Variants in LIPH observed in about 807,000 individuals in gnomAD.
LIPH encodes lipase H.
Under a neutral mutation model 47.6 loss-of-function variants are expected in LIPH, and 32 were observed. The observed-to-expected ratio is 0.67, with a 90% confidence interval of 0.51 to 0.90. LIPH has a LOEUF of 0.90. Among genes scored for constraint, LIPH ranks in the 40% least tolerant of loss-of-function variants. LIPH has a pLI of 0.00. For synonymous variants in LIPH, 190 were observed against 195.6 expected (o/e 0.97, Z 0.24); for missense variants, 497 against 541.4 (o/e 0.92, Z 0.81).
At chr3:185,525,608 T>C (rs1446616742) in intron 4 of LIPH, among the ~76,000 whole-genome samples, 2 of 151,910 alleles carry the variant, frequency 1.3e-5, no homozygotes, top group Non-Finnish European at 2.9e-5. Context: ...TGAGACCTTG[T>C]CTCTATCAGT....
chr3:185,519,716 G>A (rs1435881704), intron 5 of LIPH, among the ~76,000 whole-genome samples: 1 of 151,568 alleles, frequency 6.6e-6, no homozygotes, highest in Non-Finnish European at 1.5e-5. Context: ...GGCACCTGTA[G>A]TCCCAACTAC....
chr3:185,526,909 G>A (rs1268409491), intron 4 of LIPH, among the ~76,000 whole-genome samples: 2 of 152,004 alleles, frequency 1.3e-5, no homozygotes, highest in Non-Finnish European at 2.9e-5. Flanking sequence ...TCTTCATGTT[G>A]AAAAAATTAG....
rs572344926 is a variant in LIPH at position 185,548,421 on chromosome 3, A to C, written c.49+4002T>G. ...TCTGTCTCACATAAAAGGAAAAAAA[A>C]AACAACAAAAAAAAACTCATCCTAG... On this transcript the variant is annotated intron_variant, in intron 1 of 9. Transcript: ENST00000296252. 8.1e-4 allele frequency among the ~76,000 whole-genome samples: 122 copies of C among 151,288 alleles called. 1 individual carries two copies. Among genetic ancestry groups the C allele is most frequent in the Non-Finnish European group, 1.3e-3 (85 of 67,846 alleles).
chr3:185,514,259 A>G lies in LIPH; in HGVS notation c.1094+151T>C, dbSNP rs73885738. ...TAAAGACCCTGGGAGATCAAGAACC[A>G]GGGAAGCAACTAAGCAATAGTTCCC... is the stretch of plus-strand genomic sequence containing the variant. On this transcript the variant is annotated intron_variant, in intron 8 of 9. Transcript: ENST00000296252. 2,595 of 636,730 alleles carry G rather than the reference A, an allele frequency of 4.1e-3. 44 individuals carry two copies. In the African/African-American group the frequency reaches 0.041, roughly 10 times the overall value. 39.4% of individuals were successfully genotyped at this position (636,730 alleles called of 1,614,324 possible).
rs1281342189 is a variant in LIPH, at chr3:185,529,905, G to GA, written c.527-2321dup. ...CAAGAGAGAGAGAGAAAGAGAGAAAGAAAAGAAAGAAAGAAAGAAAGAAAG... is the reference window on the plus strand; with the variant it reads ...CAAGAGAGAGAGAGAAAGAGAGAAAGAAAAAGAAAGAAAGAAAGAAAGAAAG... On this transcript the variant is annotated intron_variant, in intron 3 of 9. Coordinates refer to ENST00000296252, the MANE Select transcript of LIPH (RefSeq NM_139248.3). Among the ~76,000 whole-genome samples, 6 of 118,422 alleles carry GA rather than the reference G, an allele frequency of 5.1e-5. No individual in the cohort carries two copies. In the East Asian group the frequency reaches 1.4e-3, roughly 27 times the overall value. The allele number at this position is 118,422 out of a possible 152,430, so 77.7% of individuals were successfully genotyped here.
In LIPH at chr3:185,550,383, A is replaced by G. The variant is rs145254015; in HGVS notation, c.49+2040T>C. Among the ~76,000 whole-genome samples, 833 of 152,312 alleles carry G rather than the reference A, an allele frequency of 5.5e-3. 18 individuals are homozygous for G. The highest frequency in any genetic ancestry group is 0.038 in the Admixed American group (581 of 15,288). On this transcript the variant is annotated intron_variant, in intron 1 of 9. Transcript: ENST00000296252. The stretch of plus-strand genomic sequence containing the variant: ...TGACAGTCTTCTAGAATCTAGCAGT[A>G]AAACAAGACTTTACTTCTGAGAAGA...
chr3:185,548,372 T>C (rs1720945210), intron 1 of LIPH, among the ~76,000 whole-genome samples: 1 of 149,552 alleles, frequency 6.7e-6, no homozygotes, highest in Admixed American at 6.7e-5. Flanking sequence ...GCCACTGCAC[T>C]CCAGCCTGGT....
Position 185,551,169 on chromosome 3 carries a change from A to G in LIPH, c.49+1254T>C, listed in dbSNP as rs151106915. 5.8e-3 allele frequency among the ~76,000 whole-genome samples: 876 copies of G among 152,292 alleles called. 6 individuals are homozygous for G. The highest frequency in any genetic ancestry group is 0.02 in the African/African-American group (819 of 41,590). On this transcript the variant is annotated intron_variant, in intron 1 of 9. Transcript: ENST00000296252. ...AGCCTGGATGACAGAGCAAGACTCC[A>G]TCTCAAAAACAAACAAAAAAAATAA...
At chr3:185,510,670 A>T (rs1307515589) in intron 9 of LIPH, among the ~76,000 whole-genome samples, 1 of 152,210 alleles carries the variant, frequency 6.6e-6, no homozygotes, top group Non-Finnish European at 1.5e-5. Flanking sequence ...ACTTGAGGCC[A>T]GGAGTTCAAG....
chr3:185,538,848 T>C lies in LIPH; in HGVS notation c.50-3716A>G, dbSNP rs575850584. ...ATATACATATATACATATATACACA[T>C]ATATATACATATATACATATATACA... On this transcript the variant is annotated intron_variant, in intron 1 of 9. Coordinates refer to ENST00000296252, the MANE Select transcript of LIPH (RefSeq NM_139248.3). Among the ~76,000 whole-genome samples the C allele has an allele frequency of 4.6e-3, 513 of 112,536 alleles. 6 individuals carry two copies. Among genetic ancestry groups the C allele is most frequent in the African/African-American group, 0.015 (479 of 31,608 alleles). The allele number at this position is 112,536 out of a possible 152,430, so 73.8% of individuals were successfully genotyped here. A position where few individuals can be genotyped will look rare whatever the true frequency, so the allele number is the denominator to read the frequency against.
At chr3:185,529,956 AAGAAAGAAGGAAAGAAAGAAAGAG>A (rs1720271285) in intron 3 of LIPH, among the ~76,000 whole-genome samples, 1 of 58,844 alleles carries the variant, frequency 1.7e-5, no homozygotes, top group Admixed American at 1.9e-4. Context: ...GAAAGAAAGA[AAGAAAGAAGGAAAGAAAGAAAGAG>A]AGAGAGAGAG....
At chr3:185,509,583 A>G (rs1309970655) in intron 9 of LIPH, among the ~76,000 whole-genome samples, 1 of 152,080 alleles carries the variant, frequency 6.6e-6, no homozygotes, top group Non-Finnish European at 1.5e-5. Context: ...TGAGCCAAGA[A>G]CGCGCTACTA....
intron 1 of LIPH, among the ~76,000 whole-genome samples, chr3:185,542,719 AGT>A (rs1363056296): frequency 1.3e-5 from 2 of 152,224 alleles, no homozygotes; most frequent in African/African-American, 4.8e-5. Flanking sequence ...AATCAACCTA[AGT>A]GTCTCTCAAC....
intron 1 of LIPH, among the ~76,000 whole-genome samples, chr3:185,542,045 C>T (rs1240945492): frequency 1.3e-5 from 2 of 152,136 alleles, no homozygotes; most frequent in African/African-American, 4.8e-5. Context: ...GCGTGAGCCA[C>T]CGTGCCTGGC....
chr3:185,533,482 A>T (rs1339919575), intron 3 of LIPH, 89 bp downstream of exon 3: 7 of 860,496 alleles, frequency 8.1e-6, no homozygotes, highest in African/African-American at 3.3e-5. Context: ...GCTGGCTTTG[A>T]ACCCAAGGAG....
At chr3:185,530,395 T>C (rs1720298345) in intron 3 of LIPH, among the ~76,000 whole-genome samples, 1 of 152,186 alleles carries the variant, frequency 6.6e-6, no homozygotes, top group African/African-American at 2.4e-5. Context: ...TGAGAATCTC[T>C]TGAACCTAGG....
intron 3 of LIPH, among the ~76,000 whole-genome samples, chr3:185,528,991 G>T (rs1367616085): frequency 7.6e-6 from 1 of 132,156 alleles, no homozygotes; most frequent in African/African-American, 2.9e-5. Context: ...GTGAAACCCC[G>T]TATCTATTAA....
At chr3:185,543,911 C>T (rs1577689870) in intron 1 of LIPH, among the ~76,000 whole-genome samples, 1 of 146,608 alleles carries the variant, frequency 6.8e-6, no homozygotes. Context: ...AGTGCAATGG[C>T]ATGGTCTCGG....
intron 4 of LIPH, among the ~76,000 whole-genome samples, chr3:185,526,354 C>G (rs547469830): frequency 2.2e-4 from 34 of 151,972 alleles, no homozygotes; most frequent in Non-Finnish European, 4.7e-4. Context: ...AACCCTGTCT[C>G]TAGTAAAAAT....
Sources: allele counts gnomAD v4.1 joint callset (sites outside exome capture counted in the v4.1 genomes callset), GRCh38; gene constraint gnomAD v4.1.1; transcripts MANE v1.5; gene names NCBI Gene and HGNC (gene_info 2026-07-23, HGNC 2026-07-21).